Variants in SLC7A7 observed in about 807,000 individuals in gnomAD.
SLC7A7 encodes solute carrier family 7 member 7.
In SLC7A7, 39 loss-of-function variants were observed where a neutral mutation model predicts 47.9. That is an observed-to-expected ratio of 0.81 (90% CI 0.63 to 1.06). The LOEUF is 1.06. SLC7A7 is among the 50% of genes least tolerant of loss of function. The pLI is 0.00. For missense variants in SLC7A7, 588 were observed against 632.0 expected (o/e 0.93, Z 0.75); for synonymous variants, 234 against 242.8 (o/e 0.96, Z 0.34).
chr14:22,780,066 A>G lies in SLC7A7; in HGVS notation c.500-15T>C. Reference sequence around the variant, plus strand: ...GGTTAAGAGACCTGAAAGAAAAATAATACTGATTGGTGACTTACCCTTACC... The same window carrying G: ...GGTTAAGAGACCTGAAAGAAAAATAGTACTGATTGGTGACTTACCCTTACC... On this transcript the variant is annotated splice_polypyrimidine_tract_variant and intron_variant, in intron 2 of 9. Transcript: ENST00000674313. The G allele has an allele frequency of 1.2e-6, 2 of 1,613,794 alleles. No individual in the cohort carries two copies. Among genetic ancestry groups the G allele is most frequent in the Non-Finnish European group, 1.7e-6 (2 of 1,179,812 alleles).
chr14:22,784,745 G>A (rs973357698), intron 2 of SLC7A7, among the ~76,000 whole-genome samples: 24 of 152,122 alleles, frequency 1.6e-4, no homozygotes, highest in African/African-American at 5.1e-4. Context: ...CAGCATCAGC[G>A]CTAGAACTAA....
chr14:22,776,168 A>T, intron 5 of SLC7A7, 27 bp downstream of exon 5: 1 of 1,614,128 alleles, frequency 6.2e-7, no homozygotes, highest in South Asian at 1.1e-5. Context: ...AGACACCCTC[A>T]ACCTTCTGCT....
chr14:22,791,233 C>T lies in SLC7A7; in HGVS notation c.500-11182G>A, dbSNP rs147750469. Among the ~76,000 whole-genome samples, 875 of 152,200 alleles carry T rather than the reference C, an allele frequency of 5.7e-3. 7 individuals are homozygous for T. The highest frequency in any genetic ancestry group is 0.02 in the African/African-American group (824 of 41,518). On this transcript the variant is annotated intron_variant, in intron 2 of 9. Coordinates refer to ENST00000674313, the MANE Select transcript of SLC7A7 (RefSeq NM_003982.4). ...ATTTCCATTCTAAAGCCTTATTATA[C>T]ACATCTCTCCCAATCCCTATAAACC...
chr14:22,777,809 C>G (rs942167845), intron 4 of SLC7A7, among the ~76,000 whole-genome samples: 1 of 152,244 alleles, frequency 6.6e-6, no homozygotes, highest in East Asian at 1.9e-4. Context: ...CACAGTGGCT[C>G]ATGCCTGTAA....
At chr14:22,817,366 C>G, upstream of SLC7A7, 1 of 183,314 alleles carries the variant, frequency 5.5e-6, no homozygotes, top group South Asian at 8.4e-5. Flanking sequence ...TTGAGACAGA[C>G]ACTTACTCTG....
chr14:22,795,264 T>C lies in SLC7A7; in HGVS notation c.500-15213A>G, dbSNP rs1338904409. ...CCCAATTAATTTTTTTTTTTTTTTT[T>C]TGTAGAGACCAAGTTCTCCAGACTG... On this transcript the variant is annotated intron_variant, in intron 2 of 9. Coordinates refer to ENST00000674313, the MANE Select transcript of SLC7A7 (RefSeq NM_003982.4). 6.3e-5 allele frequency among the ~76,000 whole-genome samples: 6 copies of C among 95,944 alleles called. No individual in the cohort carries two copies. In the East Asian group the frequency reaches 2.2e-3, roughly 35 times the overall value. 62.9% of individuals were successfully genotyped at this position (95,944 alleles called of 152,430 possible). A position where few individuals can be genotyped will look rare whatever the true frequency, so the allele number is the denominator to read the frequency against.
intron 5 of SLC7A7, 113 bp downstream of exon 5, chr14:22,776,082 C>G (rs570962564): frequency 6.6e-7 from 1 of 1,516,406 alleles, no homozygotes; most frequent in South Asian, 1.1e-5. Flanking sequence ...GCCCGGTATT[C>G]TAAATGAACT....
At chr14:22,794,790 C>T (rs545697427) in intron 2 of SLC7A7, among the ~76,000 whole-genome samples, 71 of 152,226 alleles carry the variant, frequency 4.7e-4, no homozygotes, top group Non-Finnish European at 8.8e-4. Flanking sequence ...CTTTAACAGT[C>T]CAGTGCTCAG....
intron 2 of SLC7A7, among the ~76,000 whole-genome samples, chr14:22,809,681 C>A (rs1203098810): frequency 6.6e-6 from 1 of 152,032 alleles, no homozygotes; most frequent in East Asian, 1.9e-4. Flanking sequence ...CACGATCCGC[C>A]CATCTTAGCT....
At chr14:22,790,123 G>A (rs1296951006) in intron 2 of SLC7A7, among the ~76,000 whole-genome samples, 4 of 151,878 alleles carry the variant, frequency 2.6e-5, no homozygotes, top group African/African-American at 9.7e-5. Context: ...GAGCTCAGGA[G>A]TTTGAAACCA....
Position 22,773,915 on chromosome 14 carries a change from T to TG in SLC7A7, c.1429+17_1429+18insC. On this transcript the variant is annotated intron_variant, in intron 9 of 9. Transcript: ENST00000674313. ...AAGCTCTGCAATAGCTGAGCGGACTTAAGGATGCACGGCTTACCCACGATC... is the reference window on the plus strand; with the variant it reads ...AAGCTCTGCAATAGCTGAGCGGACTTGAAGGATGCACGGCTTACCCACGATC... 6.2e-7 allele frequency: 1 copy of TG among 1,613,656 alleles called. No homozygotes were observed. The highest frequency in any genetic ancestry group is 8.5e-7 in the Non-Finnish European group (1 of 1,179,994).
chr14:22,815,849 G>C (rs2138670900), upstream of SLC7A7: 1 of 369,254 alleles, frequency 2.7e-6, no homozygotes, highest in East Asian at 7.3e-5. Flanking sequence ...TTTAAGAAAG[G>C]GAGGAAGGTT....
chr14:22,774,055 A>C lies in SLC7A7; in HGVS notation c.1307T>G (p.Leu436Arg). The C allele has an allele frequency of 6.2e-7, 1 of 1,614,198 alleles. No homozygotes were observed. The highest frequency in any genetic ancestry group is 1.1e-5 in the South Asian group (1 of 91,080). Residue 436 changes from leucine (L) to arginine (R), a missense_variant, in exon 9 of 10, where the codon CTT becomes CGT. Coordinates refer to ENST00000674313, the MANE Select transcript of SLC7A7 (RefSeq NM_003982.4). The stretch of plus-strand genomic sequence containing the variant: ...GAGGGAGTTGATAGTATCACTGTAA[A>C]GTGGAACAGCCACCAGGAAGATGGT... The part of the protein sequence containing the change: ...LCTIFLVAVP[L>R]YSDTINSLIG...
intron 2 of SLC7A7, among the ~76,000 whole-genome samples, chr14:22,797,729 C>T (rs2039043189): frequency 6.6e-6 from 1 of 152,102 alleles, no homozygotes; most frequent in South Asian, 2.1e-4. Flanking sequence ...ATGAAATCAG[C>T]AATGAATGAA....
At chr14:22,794,553 G>A (rs1175142047) in intron 2 of SLC7A7, among the ~76,000 whole-genome samples, 1 of 152,076 alleles carries the variant, frequency 6.6e-6, no homozygotes, top group East Asian at 1.9e-4. Flanking sequence ...ACCACCTGAG[G>A]AATTTGTCGA....
chr14:22,775,724 G>T lies in SLC7A7; in HGVS notation c.998+109C>A. ...TTCTGCTAGAAACAAGAAGAAAGAGGTTGTGGTATCGGTTGGAGAACACAA... is the reference window on the plus strand; with the variant it reads ...TTCTGCTAGAAACAAGAAGAAAGAGTTTGTGGTATCGGTTGGAGAACACAA... On this transcript the variant is annotated intron_variant, in intron 6 of 9. Coordinates refer to ENST00000674313, the MANE Select transcript of SLC7A7 (RefSeq NM_003982.4). The T allele has an allele frequency of 4.2e-6, 4 of 949,576 alleles. No individual in the cohort carries two copies. In the South Asian group the frequency reaches 5.2e-5, roughly 12 times the overall value. The allele number at this position is 949,576 out of a possible 1,614,324, so 58.8% of individuals were successfully genotyped here. A position where few individuals can be genotyped will look rare whatever the true frequency, so the allele number is the denominator to read the frequency against.
intron 2 of SLC7A7, among the ~76,000 whole-genome samples, chr14:22,781,037 C>T (rs138908552): frequency 6.6e-6 from 1 of 152,146 alleles, no homozygotes; most frequent in Non-Finnish European, 1.5e-5. Context: ...AAATACAGAT[C>T]TTCCCACTGG....
intron 4 of SLC7A7, among the ~76,000 whole-genome samples, chr14:22,776,657 A>G (rs1044710589): frequency 7.9e-5 from 12 of 152,028 alleles, no homozygotes; most frequent in Admixed American, 5.9e-4. Flanking sequence ...ACATGGCAAA[A>G]CCCTGTCTCT....
chr14:22,802,090 C>A (rs1425560450), intron 2 of SLC7A7, among the ~76,000 whole-genome samples: 1 of 152,162 alleles, frequency 6.6e-6, no homozygotes, highest in Non-Finnish European at 1.5e-5. Context: ...GAAACATCAT[C>A]TCTTCATTCA....
Sources: allele counts gnomAD v4.1 joint callset (sites outside exome capture counted in the v4.1 genomes callset), GRCh38; gene constraint gnomAD v4.1.1; transcripts MANE v1.5; gene names NCBI Gene and HGNC (gene_info 2026-07-23, HGNC 2026-07-21).